Variants in CNTNAP5 observed in about 807,000 individuals in gnomAD.
CNTNAP5 encodes the protein contactin associated protein family member 5.
A neutral mutation model predicts 150.2 loss-of-function variants in CNTNAP5; 72 were observed. The ratio of observed to expected loss-of-function variants is 0.48; its 90% CI spans 0.40 to 0.58. The LOEUF (loss-of-function observed/expected upper bound fraction) is 0.58. Ranked by LOEUF, CNTNAP5 falls within the 20% of genes least tolerant of loss-of-function variation. The probability of loss-of-function intolerance (pLI) is 0.00; values close to 1 mark genes in which losing one functional copy is unlikely to be tolerated. For missense variants in CNTNAP5, 1,636 were observed against 1,626.2 expected, an observed-to-expected ratio of 1.01 and a Z score of -0.10; for synonymous variants, 672 against 619.8, an observed-to-expected ratio of 1.08 and a Z score of -1.25.
intron 3 of CNTNAP5, among the ~76,000 whole-genome samples, chr2:124,369,837 T>C (rs1168772742): frequency 1.3e-5 from 2 of 152,124 alleles, no homozygotes; most frequent in Non-Finnish European, 2.9e-5. Context: ...GGCAGTTCCC[T>C]CAGGCTTATC....
At chr2:124,108,740 T>C (rs1683224764) in intron 1 of CNTNAP5, among the ~76,000 whole-genome samples, 1 of 152,142 alleles carries the variant, frequency 6.6e-6, no homozygotes, top group South Asian at 2.1e-4. Flanking sequence ...CACCCACTGG[T>C]TTGTAGAAAC....
intron 5 of CNTNAP5, among the ~76,000 whole-genome samples, chr2:124,435,589 G>A (rs893166359): frequency 4.6e-5 from 7 of 152,068 alleles, no homozygotes; most frequent in African/African-American, 1.7e-4. Flanking sequence ...AATATTAAAG[G>A]GAGAGGAAAA....
intron 13 of CNTNAP5, among the ~76,000 whole-genome samples, chr2:124,660,043 A>AAGAAAGGAAGGAAGGAAGGAAGG (rs1558724333): frequency 3.4e-4 from 45 of 130,942 alleles, no homozygotes; most frequent in African/African-American, 1.3e-3. Context: ...AGGAAGGAAG[A>AAGAAAGGAAGGAAGGAAGGAAGG]AAGGAAGGAA....
intron 13 of CNTNAP5, among the ~76,000 whole-genome samples, chr2:124,686,775 G>A (rs1679201222): frequency 6.6e-6 from 1 of 152,146 alleles, no homozygotes; most frequent in African/African-American, 2.4e-5. Context: ...GTGGAGCTTT[G>A]AAGATTTGAT....
chr2:124,755,004 T>A (rs1680809702), intron 14 of CNTNAP5, among the ~76,000 whole-genome samples: 1 of 152,076 alleles, frequency 6.6e-6, no homozygotes, highest in Non-Finnish European at 1.5e-5. Flanking sequence ...AAATATCGCA[T>A]CATTACTTTG....
At chr2:124,339,171 C>T (rs1689547707) in intron 3 of CNTNAP5, among the ~76,000 whole-genome samples, 1 of 152,146 alleles carries the variant, frequency 6.6e-6, no homozygotes, top group Admixed American at 6.6e-5. Context: ...CTTTTAAAAA[C>T]TTTGACAAGC....
At chr2:124,178,733 G>T (rs1289175856) in intron 1 of CNTNAP5, among the ~76,000 whole-genome samples, 2 of 151,768 alleles carry the variant, frequency 1.3e-5, no homozygotes, top group African/African-American at 4.8e-5. Flanking sequence ...TTTTGGTTTT[G>T]GACTTTTTTT....
intron 3 of CNTNAP5, among the ~76,000 whole-genome samples, chr2:124,243,600 C>G (rs945763002): frequency 1.3e-5 from 2 of 152,002 alleles, no homozygotes; most frequent in African/African-American, 4.8e-5. Flanking sequence ...CAAAAATAGT[C>G]TAAACAGTGA....
chr2:124,604,369 T>G (rs1697055317), intron 11 of CNTNAP5, among the ~76,000 whole-genome samples: 1 of 152,186 alleles, frequency 6.6e-6, no homozygotes, highest in Non-Finnish European at 1.5e-5. Flanking sequence ...ATATTTTAAA[T>G]TTTTTTGGTA....
At position 124,647,946 on chromosome 2, in the gene CNTNAP5, C is replaced by G; in HGVS notation, c.2065C>G (p.Leu689Val). 1 of 1,599,998 alleles carries G rather than the reference C, an allele frequency of 6.3e-7. No individual in the cohort carries two copies. The highest frequency in any genetic ancestry group is 8.5e-7 in the Non-Finnish European group (1 of 1,173,898). The change falls in exon 13 of 24, where the codon CTC becomes GTC. Residue 689 changes from leucine to valine, a missense_variant. Transcript: ENST00000682447. ...VAYHCRRSRLLNTPDGTPFTW... is the reference protein window; with the variant it reads ...VAYHCRRSRLVNTPDGTPFTW... Reference sequence around the variant, plus strand: ...CTACCACTGCAGGAGGTCCCGCCTGCTCAACACGCCGGGTAAGGCCTCTGC... The same window carrying G: ...CTACCACTGCAGGAGGTCCCGCCTGGTCAACACGCCGGGTAAGGCCTCTGC...
chr2:124,524,171 T>A, intron 8 of CNTNAP5, 132 bp from the exon 9 acceptor site: 2 of 748,698 alleles, frequency 2.7e-6, no homozygotes, highest in Non-Finnish European at 4.4e-6. Flanking sequence ...TCCAAGGGCT[T>A]GTATCCAGCC....
chr2:124,473,177 A>G (rs1040532667), intron 6 of CNTNAP5, among the ~76,000 whole-genome samples: 1 of 152,154 alleles, frequency 6.6e-6, no homozygotes, highest in South Asian at 2.1e-4. Context: ...ATGGGTATGA[A>G]AACTAGAGAA....
chr2:124,430,902 G>A (rs890507636), intron 4 of CNTNAP5, among the ~76,000 whole-genome samples: 3 of 152,162 alleles, frequency 2.0e-5, no homozygotes, highest in African/African-American at 2.4e-5. Flanking sequence ...TATAAATAAG[G>A]AAATGTGGGG....
chr2:124,448,339 C>T (rs1273804528), intron 6 of CNTNAP5, among the ~76,000 whole-genome samples: 2 of 151,486 alleles, frequency 1.3e-5, no homozygotes, highest in Non-Finnish European at 2.9e-5. Context: ...AAAGCTAATA[C>T]ATTCATTGAT....
intron 1 of CNTNAP5, among the ~76,000 whole-genome samples, chr2:124,071,692 C>A (rs1682308396): frequency 6.6e-6 from 1 of 151,714 alleles, no homozygotes; most frequent in Non-Finnish European, 1.5e-5. Flanking sequence ...CTGAACAGAC[C>A]AATAACAAGT....
intron 11 of CNTNAP5, among the ~76,000 whole-genome samples, chr2:124,602,922 T>C (rs1467897114): frequency 6.6e-6 from 1 of 152,220 alleles, no homozygotes; most frequent in African/African-American, 2.4e-5. Flanking sequence ...ATTGTAACTA[T>C]CAAAATTAAA....
intron 1 of CNTNAP5, among the ~76,000 whole-genome samples, chr2:124,174,259 T>C (rs1821955): frequency 0.77 from 117,403 of 152,132 alleles, 45,933 homozygotes; most frequent in Non-Finnish European, 0.8. Context: ...ATGGATCAAG[T>C]AGTAATTTTG....
intron 1 of CNTNAP5, among the ~76,000 whole-genome samples, chr2:124,052,535 T>A (rs1681726908): frequency 6.6e-6 from 1 of 152,214 alleles, no homozygotes; most frequent in African/African-American, 2.4e-5. Context: ...TGCAGAACTT[T>A]CAGTGTTTGA....
chr2:124,840,899 A>C (rs973592039), intron 19 of CNTNAP5, among the ~76,000 whole-genome samples: 4 of 152,146 alleles, frequency 2.6e-5, no homozygotes, highest in African/African-American at 4.8e-5. Flanking sequence ...ATGAGGACCA[A>C]GCAATGTGCA....
Sources: allele counts gnomAD v4.1 joint callset (sites outside exome capture counted in the v4.1 genomes callset), GRCh38; gene constraint gnomAD v4.1.1; transcripts MANE v1.5; gene names NCBI Gene and HGNC (gene_info 2026-07-23, HGNC 2026-07-21).